The following TMEM117 variants were observed in gnomAD, a reference collection of about 807,000 sequenced individuals.
TMEM117 encodes the protein transmembrane protein 117.
In TMEM117, 27 loss-of-function variants were observed where a neutral mutation model predicts 52.4. The ratio of observed to expected loss-of-function variants is 0.51; its 90% CI spans 0.38 to 0.71. The LOEUF (loss-of-function observed/expected upper bound fraction) is 0.71. TMEM117 is among the 30% of genes least tolerant of loss of function. The pLI is 0.00. For missense variants in TMEM117, 556 were observed against 630.5 expected (o/e 0.88, Z 1.26); for synonymous variants, 215 against 206.3 (o/e 1.04, Z -0.36).
intron 3 of TMEM117, among the ~76,000 whole-genome samples, chr12:44,017,252 T>TGTGTGTGTGTGTGTGTGTGTGTGTGTGTG (rs1565793575): frequency 5.9e-5 from 9 of 151,686 alleles, no homozygotes; most frequent in African/African-American, 2.2e-4. Flanking sequence ...TGTGTGTGTG[T>TGTGTGTGTGTGTGTGTGTGTGTGTGTGTG]TTTAGGTGAT....
chr12:44,150,441 G>A (rs1948705017), intron 4 of TMEM117, among the ~76,000 whole-genome samples: 1 of 152,148 alleles, frequency 6.6e-6, no homozygotes. Flanking sequence ...TCAAGAGGTT[G>A]CGAGTGGGAC....
At chr12:43,802,217 T>G in the TMEM117 span, 14 of 1,072,994 alleles carry the variant, frequency 1.3e-5, no homozygotes, top group South Asian at 2.6e-4. Context: ...TAACCTTTAT[T>G]TGACCTAGAA....
chr12:44,327,783 AGATAT>A (rs1320921526), intron 6 of TMEM117, among the ~76,000 whole-genome samples: 1 of 152,072 alleles, frequency 6.6e-6, no homozygotes, highest in African/African-American at 2.4e-5. Context: ...CAGTCCTTTC[AGATAT>A]AAGTGTGCTG....
chr12:43,827,603 G>A, the TMEM117 span, among the ~76,000 whole-genome samples: 4 of 152,240 alleles, frequency 2.6e-5, no homozygotes, highest in South Asian at 8.3e-4. Flanking sequence ...CTTCTTTTAT[G>A]TATTTTTAGA....
chr12:44,289,551 T>TC (rs1950678078), intron 5 of TMEM117, among the ~76,000 whole-genome samples: 3 of 79,048 alleles, frequency 3.8e-5, no homozygotes, highest in African/African-American at 2.7e-4. Context: ...TTCTTTTCTC[T>TC]TTTTTTTTTT....
chr12:43,819,301 T>A, the TMEM117 span, among the ~76,000 whole-genome samples: 17 of 152,348 alleles, frequency 1.1e-4, no homozygotes, highest in African/African-American at 3.6e-4. Context: ...TTCTATTTAT[T>A]GTAGATCTTT....
At chr12:44,213,802 G>A (rs926423225) in intron 5 of TMEM117, among the ~76,000 whole-genome samples, 3 of 152,166 alleles carry the variant, frequency 2.0e-5, no homozygotes, top group African/African-American at 7.2e-5. Flanking sequence ...GTTTTCTGAC[G>A]CCTTCCCAGC....
At chr12:44,267,906 G>T (rs1311586969) in intron 5 of TMEM117, among the ~76,000 whole-genome samples, 2 of 152,150 alleles carry the variant, frequency 1.3e-5, no homozygotes, top group African/African-American at 2.4e-5. Context: ...TTCATCAGTG[G>T]ACATTTAGGT....
At chr12:44,092,336 C>G (rs1947687521) in intron 3 of TMEM117, among the ~76,000 whole-genome samples, 1 of 152,092 alleles carries the variant, frequency 6.6e-6, no homozygotes, top group East Asian at 1.9e-4. Context: ...CAGGGTGTTC[C>G]TTTCAAAAAG....
chr12:44,124,805 A>C (rs1197909457), intron 3 of TMEM117, among the ~76,000 whole-genome samples: 1 of 152,146 alleles, frequency 6.6e-6, no homozygotes, highest in Non-Finnish European at 1.5e-5. Context: ...TCGGTTTGTC[A>C]ATATTTTGTT....
chr12:44,099,427 T>C (rs1366380169), intron 3 of TMEM117, among the ~76,000 whole-genome samples: 1 of 152,108 alleles, frequency 6.6e-6, no homozygotes, highest in Non-Finnish European at 1.5e-5. Context: ...TTTAACACTT[T>C]TCCATAAGAT....
At chr12:44,353,192 A>G (rs1480670651) in intron 6 of TMEM117, among the ~76,000 whole-genome samples, 1 of 152,008 alleles carries the variant, frequency 6.6e-6, no homozygotes, top group African/African-American at 2.4e-5. Context: ...GATTCTGGAT[A>G]TTAGCCCTTT....
chr12:44,063,610 C>A, intron 3 of TMEM117, among the ~76,000 whole-genome samples: 1 of 148,508 alleles, frequency 6.7e-6, no homozygotes, highest in East Asian at 2.0e-4. Context: ...AATGCTATCC[C>A]TCCCGCCTCC....
intron 5 of TMEM117, among the ~76,000 whole-genome samples, chr12:44,284,413 C>T (rs1382265140): frequency 6.6e-6 from 1 of 152,216 alleles, no homozygotes; most frequent in Non-Finnish European, 1.5e-5. Flanking sequence ...TTTTTCTTCC[C>T]AGTCTCGGGT....
intron 2 of TMEM117, among the ~76,000 whole-genome samples, chr12:43,931,442 T>C (rs1944869273): frequency 6.6e-6 from 1 of 152,110 alleles, no homozygotes; most frequent in South Asian, 2.1e-4. Context: ...ATATGACCCA[T>C]AATCCAGAAG....
chr12:44,325,920 G>A lies in TMEM117; in HGVS notation c.768+26181G>A, dbSNP rs188519586. Among the ~76,000 whole-genome samples, 329 of 152,306 alleles carry A rather than the reference G, an allele frequency of 2.2e-3. 1 individual carries two copies. Among genetic ancestry groups the A allele is most frequent in the African/African-American group, 7.5e-3 (313 of 41,572 alleles). ...TCACGCCTATAATTCCAGCACTCTG[G>A]GTGTCCAAGGGGGGCAGATCTACTT... On this transcript the variant is annotated intron_variant, in intron 6 of 7. Transcript: ENST00000266534.
the TMEM117 span, among the ~76,000 whole-genome samples, chr12:43,798,932 A>G: frequency 6.6e-6 from 1 of 152,112 alleles, no homozygotes; most frequent in Non-Finnish European, 1.5e-5. Context: ...TGACTCTAAT[A>G]TGCTCAACAG....
At chr12:44,144,404 T>G (rs1466573055) in intron 4 of TMEM117, among the ~76,000 whole-genome samples, 1 of 152,214 alleles carries the variant, frequency 6.6e-6, no homozygotes, top group African/African-American at 2.4e-5. Context: ...TGCAGTTGAT[T>G]CTAATTACCT....
At chr12:43,843,129 C>T (rs766316936) in intron 1 of TMEM117, among the ~76,000 whole-genome samples, 6 of 152,186 alleles carry the variant, frequency 3.9e-5, no homozygotes, top group Non-Finnish European at 8.8e-5. Context: ...AGCACAGAGC[C>T]TGGCATGCAA....
Sources: allele counts gnomAD v4.1 joint callset (sites outside exome capture counted in the v4.1 genomes callset), GRCh38; gene constraint gnomAD v4.1.1; transcripts MANE v1.5; gene names NCBI Gene and HGNC (gene_info 2026-07-23, HGNC 2026-07-21).